The following CAMK2G variants were observed in gnomAD, a reference collection of about 807,000 sequenced individuals.
The protein encoded by CAMK2G is calcium/calmodulin-dependent protein kinase type II subunit gamma.
Under a neutral mutation model 88.7 loss-of-function variants are expected in CAMK2G, and 23 were observed. That is an observed-to-expected ratio of 0.26 (90% CI 0.19 to 0.37). CAMK2G has a LOEUF of 0.37. Ranked by LOEUF, CAMK2G falls within the 10% of genes least tolerant of loss-of-function variation. The probability of loss-of-function intolerance (pLI) is 1.00; values close to 1 mark genes in which losing one functional copy is unlikely to be tolerated. For missense variants in CAMK2G, 476 were observed against 780.8 expected, an observed-to-expected ratio of 0.61 and a Z score of 4.65; for synonymous variants, 263 against 294.8, an observed-to-expected ratio of 0.89 and a Z score of 1.11.
intron 3 of CAMK2G, among the ~76,000 whole-genome samples, chr10:73,857,822 G>A (rs1341958713): frequency 1.3e-5 from 2 of 152,190 alleles, no homozygotes; most frequent in Non-Finnish European, 2.9e-5. Flanking sequence ...TTTGGAGTTC[G>A]GCAGTGTGCC....
chr10:73,856,617 G>C (rs1447839227), intron 3 of CAMK2G, among the ~76,000 whole-genome samples: 1 of 152,220 alleles, frequency 6.6e-6, no homozygotes, highest in Non-Finnish European at 1.5e-5. Context: ...GAGGGACTAT[G>C]GATGCGTGGA....
chr10:73,850,530 T>A (rs545635904), intron 5 of CAMK2G, among the ~76,000 whole-genome samples: 50 of 152,262 alleles, frequency 3.3e-4, no homozygotes, highest in African/African-American at 1.2e-3. Context: ...CAAGGATGCT[T>A]CTAAATGTCT....
At position 73,842,099 on chromosome 10, in the gene CAMK2G, G is replaced by T; in HGVS notation, c.946+70C>A. 1 of 1,269,752 alleles carries T rather than the reference G, an allele frequency of 7.9e-7. No homozygotes were observed. Among genetic ancestry groups the T allele is most frequent in the Non-Finnish European group, 1.2e-6 (1 of 865,938 alleles). 78.7% of individuals were successfully genotyped at this position (1,269,752 alleles called of 1,614,324 possible). Reference sequence around the variant, plus strand: ...ACGCCGAGGAAACCCAGCGGTGCCCGGGATGGCAACAGCCCATTCCTGATC... The same window carrying T: ...ACGCCGAGGAAACCCAGCGGTGCCCTGGATGGCAACAGCCCATTCCTGATC... On this transcript the variant is annotated intron_variant, in intron 12 of 22. Transcript: ENST00000423381. This position sits in a 1 kb window ranked among gnomAD's most constrained non-coding sequence, Gnocchi z 4.6.
chr10:73,824,226 A>C (rs940928411), intron 16 of CAMK2G, 142 bp from the exon 17 acceptor site: 7 of 645,924 alleles, frequency 1.1e-5, no homozygotes, highest in Non-Finnish European at 1.7e-5. Context: ...CCAGAAGACA[A>C]AATATCCCGG....
At position 73,848,107 on chromosome 10, in the gene CAMK2G, T is replaced by C. The variant is rs2094377948; in HGVS notation, c.602-25A>G. 2.1e-6 allele frequency: 3 copies of C among 1,398,178 alleles called. No homozygotes were observed. Among genetic ancestry groups the C allele is most frequent in the African/African-American group, 1.4e-5 (1 of 70,690 alleles). The allele number at this position is 1,398,178 out of a possible 1,614,324, so 86.6% of individuals were successfully genotyped here. A position where few individuals can be genotyped will look rare whatever the true frequency, so the allele number is the denominator to read the frequency against. On this transcript the variant is annotated intron_variant, in intron 8 of 22. Transcript: ENST00000423381. This position sits in a 1 kb window ranked among gnomAD's most constrained non-coding sequence, Gnocchi z 4.5. ...CCTACGAGACAGAACACACAGGTCA[T>C]GGGGGTCAGTCGCCTACTTCCCTGA...
In CAMK2G at chr10:73,842,346, C is replaced by A; in HGVS notation, c.903+112G>T. On this transcript the variant is annotated intron_variant, in intron 11 of 22. Transcript: ENST00000423381. This position sits in a 1 kb window ranked among gnomAD's most constrained non-coding sequence, Gnocchi z 4.6. ...CCCCCTCCCCTGTGACATGTACAAC[C>A]TTCAGAGCCCAGCTCCAGCCAGGAG... The A allele has an allele frequency of 8.7e-7, 1 of 1,153,196 alleles. No homozygotes were observed. The highest frequency in any genetic ancestry group is 1.2e-5 in the South Asian group (1 of 81,354). 71.4% of individuals were successfully genotyped at this position (1,153,196 alleles called of 1,614,324 possible). A position where few individuals can be genotyped will look rare whatever the true frequency, so the allele number is the denominator to read the frequency against.
intron 13 of CAMK2G, among the ~76,000 whole-genome samples, chr10:73,837,757 G>T (rs573148164): frequency 3.9e-5 from 6 of 152,200 alleles, no homozygotes; most frequent in Non-Finnish European, 8.8e-5. Flanking sequence ...ACGACACTTA[G>T]AGGAGAAACC....
At position 73,839,165 on chromosome 10, in the gene CAMK2G, T is replaced by C. The variant is rs908914016; in HGVS notation, c.1009+374A>G. Among the ~76,000 whole-genome samples, 3 of 152,198 alleles carry C rather than the reference T, an allele frequency of 2.0e-5. No homozygotes were observed. Among genetic ancestry groups the C allele is most frequent in the Non-Finnish European group, 2.9e-5 (2 of 68,032 alleles). On this transcript the variant is annotated intron_variant, in intron 13 of 22. Transcript: ENST00000423381. This position sits in a 1 kb window ranked among gnomAD's most constrained non-coding sequence, Gnocchi z 4.2. ...GGAGCGCGGCTCCTCTGTGGGGTCT[T>C]AAACAGTGCTGCGGAAATCTAGTCC...
Position 73,841,906 on chromosome 10 carries a change from C to T in CAMK2G, c.946+263G>A. The T allele has an allele frequency of 4.1e-6, 2 of 485,598 alleles. 1 individual carries two copies. The highest frequency in any genetic ancestry group is 4.9e-5 in the South Asian group (2 of 40,606). 30.1% of individuals were successfully genotyped at this position (485,598 alleles called of 1,614,324 possible). On this transcript the variant is annotated intron_variant, in intron 12 of 22. Transcript: ENST00000423381. ...GTCTTCAGAGAGTTAAATAAGAATCCAGAGAAACAAGGTACATAGCAAGTT... is the reference window on the plus strand; with the variant it reads ...GTCTTCAGAGAGTTAAATAAGAATCTAGAGAAACAAGGTACATAGCAAGTT...
chr10:73,815,301 T>G, intron 21 of CAMK2G, 54 bp from the exon 22 acceptor site: 1 of 1,176,396 alleles, frequency 8.5e-7, no homozygotes, highest in Non-Finnish European at 1.3e-6. Context: ...CACCTGCATT[T>G]TCCTCCCAGC....
intron 2 of CAMK2G, among the ~76,000 whole-genome samples, chr10:73,871,308 G>C (rs1296622739): frequency 6.6e-6 from 1 of 152,178 alleles, no homozygotes; most frequent in Non-Finnish European, 1.5e-5. Flanking sequence ...ATTTACGCAG[G>C]TAGGGAAGGA....
intron 5 of CAMK2G, among the ~76,000 whole-genome samples, chr10:73,850,091 G>A (rs1440363745): frequency 6.6e-6 from 1 of 152,082 alleles, no homozygotes; most frequent in Non-Finnish European, 1.5e-5. Flanking sequence ...GACCTCCTGG[G>A]CTCAAGCAAT....
chr10:73,860,528 A>T (rs1207288462), intron 3 of CAMK2G, among the ~76,000 whole-genome samples: 1 of 152,208 alleles, frequency 6.6e-6, no homozygotes. Context: ...CCGGAACCTC[A>T]CACGCTGAGG....
intron 17 of CAMK2G, among the ~76,000 whole-genome samples, chr10:73,823,686 T>C (rs2089938240): frequency 1.3e-5 from 2 of 152,178 alleles, no homozygotes; most frequent in Admixed American, 1.3e-4. Flanking sequence ...GGTCAGGCCA[T>C]GGAGAACGCT....
rs753513579 is a variant in CAMK2G, at chr10:73,842,420, G to C, written c.903+38C>G. The C allele has an allele frequency of 6.8e-7, 1 of 1,463,188 alleles. No individual in the cohort carries two copies. Among genetic ancestry groups the C allele is most frequent in the Admixed American group, 1.7e-5 (1 of 59,884 alleles). The allele number at this position is 1,463,188 out of a possible 1,614,324, so 90.6% of individuals were successfully genotyped here. A position where few individuals can be genotyped will look rare whatever the true frequency, so the allele number is the denominator to read the frequency against. ...CAGGAGCCACACTGGTGCAAGGCATGATGTCAAGGAGGCTGGCAGCCTAGA... is the reference window on the plus strand; with the variant it reads ...CAGGAGCCACACTGGTGCAAGGCATCATGTCAAGGAGGCTGGCAGCCTAGA... On this transcript the variant is annotated intron_variant, in intron 11 of 22. Transcript: ENST00000423381. This position sits in a 1 kb window ranked among gnomAD's most constrained non-coding sequence, Gnocchi z 4.6.
chr10:73,874,171 G>A (rs932839679), intron 1 of CAMK2G, among the ~76,000 whole-genome samples: 1 of 150,204 alleles, frequency 6.7e-6, no homozygotes, highest in Non-Finnish European at 1.5e-5. Flanking sequence ...CGGTGTCCGC[G>A]GCGGCGCGTG....
chr10:73,823,970 A>T, intron 17 of CAMK2G, 70 bp downstream of exon 17: 1 of 1,210,834 alleles, frequency 8.3e-7, no homozygotes, highest in South Asian at 1.2e-5. Flanking sequence ...CAGCCTGTAG[A>T]CCCCTGGGAC....
chr10:73,841,279 G>C (rs527794090), intron 12 of CAMK2G, among the ~76,000 whole-genome samples: 1 of 152,300 alleles, frequency 6.6e-6, no homozygotes, highest in South Asian at 2.1e-4. Context: ...TGGTGCAGAG[G>C]GGAAGCAAGG....
chr10:73,848,221 T>C lies in CAMK2G; in HGVS notation c.602-139A>G. 1 of 666,022 alleles carries C rather than the reference T, an allele frequency of 1.5e-6. No individual in the cohort carries two copies. Among genetic ancestry groups the C allele is most frequent in the Admixed American group, 2.4e-5 (1 of 41,598 alleles). The allele number at this position is 666,022 out of a possible 1,614,324, so 41.3% of individuals were successfully genotyped here. A position where few individuals can be genotyped will look rare whatever the true frequency, so the allele number is the denominator to read the frequency against. On this transcript the variant is annotated intron_variant, in intron 8 of 22. Coordinates refer to ENST00000423381, the MANE Select transcript of CAMK2G (RefSeq NM_001367534.1). This position sits in a 1 kb window ranked among gnomAD's most constrained non-coding sequence, Gnocchi z 4.5. ...AGAAGTGGATGCCAGCCGATAATGC[T>C]ATGCTACCAGCCCCTCCTGCTATGC...
Sources: gnomAD v4.1 joint callset for allele counts (sites outside exome capture counted in the v4.1 genomes callset) on GRCh38, gnomAD v4.1.1 for gene constraint, Gnocchi (gnomAD v3.1) non-coding constraint, MANE v1.5 for transcripts, NCBI Gene and HGNC (gene_info 2026-07-23, HGNC 2026-07-21) for gene names.